Variants in UPF3B observed in about 807,000 individuals in gnomAD.
The protein encoded by UPF3B is regulator of nonsense transcripts 3B.
Under a neutral mutation model 40.3 loss-of-function variants are expected in UPF3B, and 7 were observed. The ratio of observed to expected loss-of-function variants is 0.17; its 90% CI spans 0.10 to 0.33. The LOEUF is 0.33. UPF3B is among the 10% of genes least tolerant of loss of function. The probability of loss-of-function intolerance (pLI) is 1.00; values close to 1 mark genes in which losing one functional copy is unlikely to be tolerated. For synonymous variants in UPF3B, 117 were observed against 117.3 expected, an observed-to-expected ratio of 1.00 and a Z score of 0.01; for missense variants, 229 against 358.9, an observed-to-expected ratio of 0.64 and a Z score of 2.93.
chrX:119,837,109 G>T (rs1336754744), intron 10 of UPF3B, among the ~76,000 whole-genome samples: 1 of 104,928 alleles, frequency 9.5e-6, no homozygotes, highest in Non-Finnish European at 2.0e-5. Context: ...ACATCCAGCC[G>T]ATTTTTTGTA....
intron 10 of UPF3B, 139 bp downstream of exon 10, chrX:119,837,615 CAAA>C (rs34350340): frequency 0.01 from 4,032 of 385,375 alleles, no homozygotes; most frequent in Middle Eastern, 0.017. Flanking sequence ...GACTCTGTCT[CAAA>C]AAAAAAAAAA....
chrX:119,823,811 G>A (rs910122618), intron 3 of UPF3B, among the ~76,000 whole-genome samples: 16 of 110,634 alleles, frequency 1.4e-4, no homozygotes, highest in African/African-American at 4.6e-4. Context: ...TGATCTGCTC[G>A]CATTGACCTC....
chrX:119,823,002 G>A (rs2055938553), exon 4 of UPF3B: 1 of 883,064 alleles, frequency 1.1e-6, no homozygotes, highest in Non-Finnish European at 1.4e-6. Context: ...GTCGACCTCG[G>A]CCTCGAGCTC....
chrX:119,840,747 G>GA (rs1299856346), intron 7 of UPF3B, 63 bp from the exon 8 acceptor site: 76 of 1,073,239 alleles, frequency 7.1e-5, no homozygotes, highest in Non-Finnish European at 8.5e-5. Flanking sequence ...AGAAAAAGCT[G>GA]AAAAAAAACC....
chrX:119,835,052 C>A, intron 10 of UPF3B, 25 bp from the exon 11 acceptor site: 1 of 1,206,230 alleles, frequency 8.3e-7, no homozygotes, highest in Non-Finnish European at 1.1e-6. Context: ...AATATGTTAC[C>A]ATTACAACAA....
At position 119,840,556 on chromosome X, in the gene UPF3B, T is replaced by TACC. The variant is rs749404091; in HGVS notation, c.846+87_846+89dup. On this transcript the variant is annotated intron_variant, in intron 8 of 10. Coordinates refer to ENST00000276201, the MANE Select transcript of UPF3B (RefSeq NM_080632.3). ...TGAAGGGGTTTTCAACAAGTAACAC[T>TACC]ACCACCACCACCACCAAAAGGACTT... 1,616 of 853,077 alleles carry TACC rather than the reference T, an allele frequency of 1.9e-3. 3 individuals are homozygous for TACC. The highest frequency in any genetic ancestry group is 9.7e-3 in the South Asian group (416 of 42,864). The allele number at this position is 853,077 out of a possible 1,213,427, so 70.3% of individuals were successfully genotyped here.
intron 7 of UPF3B, 136 bp downstream of exon 7, chrX:119,840,940 T>C: frequency 1.4e-6 from 1 of 691,369 alleles, no homozygotes; most frequent in Non-Finnish European, 2.2e-6. Context: ...AAGATTTTTA[T>C]TGGATCACTT....
At chrX:119,814,298 TA>T (rs958181195) in intron 5 of UPF3B, among the ~76,000 whole-genome samples, 2 of 111,297 alleles carry the variant, frequency 1.8e-5, no homozygotes, top group Non-Finnish European at 3.8e-5. Flanking sequence ...TACCTCTTAA[TA>T]AAAAAAATGC....
chrX:119,825,786 T>C (rs2055972443), intron 3 of UPF3B, among the ~76,000 whole-genome samples: 1 of 112,016 alleles, frequency 8.9e-6, no homozygotes, highest in South Asian at 3.7e-4. Context: ...AGGGAAAAGA[T>C]GACGTTAAAG....
At chrX:119,810,074 TATC>T (rs1440106824) in intron 5 of UPF3B, among the ~76,000 whole-genome samples, 1 of 112,229 alleles carries the variant, frequency 8.9e-6, no homozygotes, top group African/African-American at 3.2e-5. Context: ...AAAAAAAATT[TATC>T]TTCTTTGTGC....
intron 7 of UPF3B, 52 bp downstream of exon 7, chrX:119,841,024 G>C: frequency 8.5e-7 from 1 of 1,171,142 alleles, no homozygotes; most frequent in Non-Finnish European, 1.2e-6. Flanking sequence ...ATTTAAAGAA[G>C]TAGATACGTG....
At chrX:119,826,754 A>C (rs1181174791) in intron 3 of UPF3B, among the ~76,000 whole-genome samples, 1 of 112,242 alleles carries the variant, frequency 8.9e-6, no homozygotes, top group Non-Finnish European at 1.9e-5. Context: ...TAGATCATGA[A>C]GCATCTACTG....
intron 8 of UPF3B, among the ~76,000 whole-genome samples, chrX:119,840,108 G>A (rs1395037072): frequency 1.8e-5 from 2 of 111,727 alleles, no homozygotes; most frequent in Non-Finnish European, 1.9e-5. Context: ...TTTATCTGAA[G>A]TGCTAGGTAC....
chrX:119,837,990 C>G lies in UPF3B; in HGVS notation c.1069G>C (p.Glu357Gln). Reference sequence around the variant, plus strand: ...CTCTCTCTTTCTCGAAGTATGCGCTCCTGATCTCGTTCATATTCCCGTTCC... The same window carrying G: ...CTCTCTCTTTCTCGAAGTATGCGCTGCTGATCTCGTTCATATTCCCGTTCC... ...EREREYERDQ[E>Q]RILRERERLK... is the part of the protein sequence containing the mutation. The change falls in exon 10 of 11, where the codon GAG becomes CAG. Residue 357 changes from glutamate (E) to glutamine (Q), a missense_variant. Coordinates refer to ENST00000276201, the MANE Select transcript of UPF3B (RefSeq NM_080632.3). 1.7e-6 allele frequency: 2 copies of G among 1,211,240 alleles called. No individual in the cohort carries two copies. The highest frequency in any genetic ancestry group is 5.9e-5 in the East Asian group (2 of 33,850).
Position 119,834,713 on chromosome X carries a change from G to T in UPF3B, c.*165C>A. The T allele has an allele frequency of 8.8e-7, 1 of 1,141,391 alleles. No homozygotes were observed. Among genetic ancestry groups the T allele is most frequent in the African/African-American group, 1.8e-5 (1 of 55,777 alleles). 94.1% of individuals were successfully genotyped at this position (1,141,391 alleles called of 1,213,427 possible). On this transcript the variant is annotated 3_prime_UTR_variant, in exon 11 of 11. Transcript: ENST00000276201. ...ATTGTACTTCCAATTCTGAACCTCT[G>T]ATCAGATTCCTGCTTTGACACAAGA...
intron 4 of UPF3B, among the ~76,000 whole-genome samples, chrX:119,821,863 G>A (rs1222101029): frequency 9.0e-6 from 1 of 111,198 alleles, no homozygotes; most frequent in East Asian, 2.8e-4. Flanking sequence ...ACCACACTTA[G>A]CTTCATACTT....
intron 3 of UPF3B, among the ~76,000 whole-genome samples, chrX:119,824,341 G>T (rs1357776575): frequency 1.0e-5 from 1 of 99,227 alleles, no homozygotes; most frequent in African/African-American, 3.7e-5. Context: ...CCCCAGGGCC[G>T]GGCACACAGT....
Position 119,845,220 on chromosome X carries a change from G to A in UPF3B, c.447C>T (p.Thr149=). ...AAKKKTKKRD[T]KVGTIDDDPE... ...TACCATCATCGATAGTCCCGACTTT[G>A]GTATCTCTTTTCTTAGTCTTCTTTT... Residue 149 remains threonine, a synonymous_variant, in exon 4 of 11, where the codon ACC becomes ACT. Transcript: ENST00000276201. 1 of 1,208,176 alleles carries A rather than the reference G, an allele frequency of 8.3e-7. No individual in the cohort carries two copies.
At position 119,834,239 on chromosome X, in the gene UPF3B, G is replaced by A. The variant is rs778314177; in HGVS notation, c.*639C>T. The A allele has an allele frequency of 2.3e-5, 17 of 753,074 alleles. No homozygotes were observed. The highest frequency in any genetic ancestry group is 8.7e-5 in the Admixed American group (1 of 11,517). 62.1% of individuals were successfully genotyped at this position (753,074 alleles called of 1,213,427 possible). A position where few individuals can be genotyped will look rare whatever the true frequency, so the allele number is the denominator to read the frequency against. On this transcript the variant is annotated 3_prime_UTR_variant, in exon 11 of 11. Transcript: ENST00000276201. ...AGAAAAGATGCTGATGACAAAACAC[G>A]AAGTTTAAAAATATTCTTTACGCTA...
Sources: allele counts gnomAD v4.1 joint callset (sites outside exome capture counted in the v4.1 genomes callset), GRCh38; gene constraint gnomAD v4.1.1; transcripts MANE v1.5; gene names NCBI Gene and HGNC (gene_info 2026-07-23, HGNC 2026-07-21).